Variants in CSMD3 observed in about 807,000 individuals in gnomAD.
CSMD3 encodes the protein CUB and Sushi multiple domains 3.
In CSMD3, 177 loss-of-function variants were observed where a neutral mutation model predicts 435.2. The ratio of observed to expected loss-of-function variants is 0.41; its 90% confidence interval spans 0.36 to 0.46. The LOEUF (loss-of-function observed/expected upper bound fraction) is 0.46, where lower values mean the gene tolerates loss of function less well. Among genes scored for constraint, CSMD3 ranks in the 20% least tolerant of loss-of-function variants. The pLI is 0.34. For missense variants in CSMD3, 4,265 were observed against 4,504.6 expected, an observed-to-expected ratio of 0.95 and a Z score of 1.52; for synonymous variants, 1,656 against 1,520.5, an observed-to-expected ratio of 1.09 and a Z score of -2.07.
intron 32 of CSMD3, among the ~76,000 whole-genome samples, chr8:112,458,662 G>C (rs760863235): frequency 7.2e-5 from 11 of 152,100 alleles, no homozygotes; most frequent in African/African-American, 1.4e-4. Context: ...CACAAAAAGA[G>C]TTGGAAATTG....
Position 112,405,242 on chromosome 8 carries a change from T to C in CSMD3, c.5809+1282A>G, listed in dbSNP as rs201734558. On this transcript the variant is annotated intron_variant, in intron 35 of 70. Transcript: ENST00000297405. ...ATATATATATATATATATATATATA[T>C]ATATACATATATATATACACATATC... 1.3e-3 allele frequency among the ~76,000 whole-genome samples: 125 copies of C among 95,062 alleles called. 6 individuals are homozygous for C. Among genetic ancestry groups the C allele is most frequent in the African/African-American group, 5.0e-3 (104 of 20,982 alleles). The allele number at this position is 95,062 out of a possible 152,430, so 62.4% of individuals were successfully genotyped here.
intron 13 of CSMD3, among the ~76,000 whole-genome samples, chr8:112,747,183 C>CT (rs71309787): frequency 5.6e-4 from 15 of 26,932 alleles, no homozygotes; most frequent in Middle Eastern, 0.019. Context: ...GCACACTTCC[C>CT]TTTTTTTTTT....
chr8:112,311,244 C>T lies in CSMD3; in HGVS notation c.7697-78G>A, dbSNP rs180982637. 693 of 1,120,800 alleles carry T rather than the reference C, an allele frequency of 6.2e-4. 8 individuals carry two copies. The highest frequency in any genetic ancestry group is 2.3e-3 in the Admixed American group (124 of 54,284). 69.4% of individuals were successfully genotyped at this position (1,120,800 alleles called of 1,614,324 possible). A position where few individuals can be genotyped will look rare whatever the true frequency, so the allele number is the denominator to read the frequency against. On this transcript the variant is annotated intron_variant, in intron 49 of 70. Transcript: ENST00000297405. ...CCCAAAGTGATAAACACCTATACAG[C>T]GACTAGTGCTTAAAAGTAGGTCAGT...
At chr8:113,268,326 T>C (rs905145447) in intron 3 of CSMD3, among the ~76,000 whole-genome samples, 1 of 151,244 alleles carries the variant, frequency 6.6e-6, no homozygotes, top group Non-Finnish European at 1.5e-5. Context: ...TAAGTTAATA[T>C]TTTTTCAATT....
At chr8:113,102,693 T>G (rs2090364753) in intron 4 of CSMD3, among the ~76,000 whole-genome samples, 1 of 151,920 alleles carries the variant, frequency 6.6e-6, no homozygotes, top group Non-Finnish European at 1.5e-5. Flanking sequence ...GAGGGAAGGG[T>G]GTTCCTGCAG....
At chr8:113,175,984 A>ATG (rs1372854518) in intron 3 of CSMD3, among the ~76,000 whole-genome samples, 2 of 152,096 alleles carry the variant, frequency 1.3e-5, no homozygotes, top group Non-Finnish European at 2.9e-5. Context: ...TTTGATTTAA[A>ATG]TGAACAAATA....
chr8:113,249,917 C>T (rs1312336021), intron 3 of CSMD3, among the ~76,000 whole-genome samples: 1 of 151,578 alleles, frequency 6.6e-6, no homozygotes, highest in Non-Finnish European at 1.5e-5. Context: ...TTCTATAAAT[C>T]TATGTAAATA....
chr8:113,227,573 T>A (rs900321145), intron 3 of CSMD3, among the ~76,000 whole-genome samples: 3 of 151,588 alleles, frequency 2.0e-5, no homozygotes, highest in Admixed American at 6.6e-5. Flanking sequence ...TGGGAGGTGA[T>A]TGGATCATGG....
chr8:113,104,707 A>T (rs1226808148), intron 4 of CSMD3, among the ~76,000 whole-genome samples: 1 of 152,132 alleles, frequency 6.6e-6, no homozygotes, highest in African/African-American at 2.4e-5. Context: ...AAAGATTCTC[A>T]TATTTTTATT....
intron 32 of CSMD3, among the ~76,000 whole-genome samples, chr8:112,440,074 C>G (rs768121679): frequency 4.6e-5 from 7 of 152,260 alleles, no homozygotes; most frequent in African/African-American, 7.2e-5. Flanking sequence ...AGTTCAAAGT[C>G]TCATCTGAAT....
At chr8:113,435,070 T>TC (rs1231974883) in intron 1 of CSMD3, among the ~76,000 whole-genome samples, 1 of 151,980 alleles carries the variant, frequency 6.6e-6, no homozygotes, top group Non-Finnish European at 1.5e-5. Flanking sequence ...AACCACCAAC[T>TC]CCCAGTGGCA....
At chr8:112,489,694 A>T (rs1017184410) in intron 31 of CSMD3, among the ~76,000 whole-genome samples, 2 of 152,208 alleles carry the variant, frequency 1.3e-5, no homozygotes, top group Non-Finnish European at 1.5e-5. Context: ...GACTTTTTTA[A>T]AAAATTCATT....
chr8:112,404,438 G>T (rs908917146), intron 35 of CSMD3, among the ~76,000 whole-genome samples: 4 of 151,798 alleles, frequency 2.6e-5, no homozygotes, highest in Non-Finnish European at 5.9e-5. Context: ...GCTGAGGCAG[G>T]AGAATCACTT....
intron 4 of CSMD3, among the ~76,000 whole-genome samples, chr8:113,140,207 C>T (rs1176968746): frequency 6.6e-6 from 1 of 150,666 alleles, no homozygotes; most frequent in Non-Finnish European, 1.5e-5. Context: ...ACATAGTAAT[C>T]TTAAATGTGT....
At chr8:113,272,742 A>G (rs942719390) in intron 3 of CSMD3, among the ~76,000 whole-genome samples, 31 of 152,330 alleles carry the variant, frequency 2.0e-4, no homozygotes, top group African/African-American at 7.5e-4. Context: ...TATTGAAATA[A>G]TATCTAATAC....
chr8:112,932,632 A>G (rs990612467), intron 9 of CSMD3, among the ~76,000 whole-genome samples: 1 of 152,074 alleles, frequency 6.6e-6, no homozygotes, highest in South Asian at 2.1e-4. Flanking sequence ...AGCGAGAAAA[A>G]AAAAAGAAAA....
In CSMD3 at chr8:112,251,718, T is replaced by C. The variant is rs894856724; in HGVS notation, c.10110+2535A>G. Among the ~76,000 whole-genome samples, 5 of 151,772 alleles carry C rather than the reference T, an allele frequency of 3.3e-5. No individual in the cohort carries two copies. In the South Asian group the frequency reaches 1.0e-3, roughly 31 times the overall value. ...ATCTAAAGAGCCGGATTAAAAACTT[T>C]TCATATTTATAATAACTTTATGTAA... On this transcript the variant is annotated intron_variant, in intron 63 of 70. Coordinates refer to ENST00000297405, the MANE Select transcript of CSMD3 (RefSeq NM_198123.2).
intron 22 of CSMD3, among the ~76,000 whole-genome samples, chr8:112,602,035 C>A (rs971164690): frequency 7.9e-5 from 12 of 152,090 alleles, no homozygotes; most frequent in African/African-American, 2.9e-4. Flanking sequence ...GCTTCCTGTG[C>A]ATTTTCTTCT....
intron 22 of CSMD3, among the ~76,000 whole-genome samples, chr8:112,604,041 C>A (rs1418274888): frequency 6.6e-6 from 1 of 152,082 alleles, no homozygotes; most frequent in African/African-American, 2.4e-5. Context: ...AATTTAAGAT[C>A]ATCATCCATT....
Sources: gnomAD v4.1 joint callset for allele counts (sites outside exome capture counted in the v4.1 genomes callset) on GRCh38, gnomAD v4.1.1 for gene constraint, MANE v1.5 for transcripts, NCBI Gene and HGNC (gene_info 2026-07-23, HGNC 2026-07-21) for gene names.